ANGPT1: variants seen among roughly 807,000 people sequenced by gnomAD.
ANGPT1 encodes angiopoietin 1, also known as angiopoietin-1.
Under a neutral mutation model 62.2 loss-of-function variants are expected in ANGPT1, and 17 were observed. The observed-to-expected ratio is 0.27, with a 90% CI of 0.19 to 0.41. ANGPT1 has a LOEUF of 0.41. ANGPT1 is among the 10% of genes least tolerant of loss of function. The pLI, the probability that ANGPT1 is intolerant of heterozygous loss-of-function variation, is 1.00. For missense variants in ANGPT1, 478 were observed against 594.9 expected, an observed-to-expected ratio of 0.80 and a Z score of 2.04; for synonymous variants, 199 against 198.9, an observed-to-expected ratio of 1.00 and a Z score of 0.00.
intron 1 of ANGPT1, among the ~76,000 whole-genome samples, chr8:107,442,896 C>A (rs1811518705): frequency 6.6e-6 from 1 of 152,152 alleles, no homozygotes; most frequent in Non-Finnish European, 1.5e-5. Flanking sequence ...AAGAAACATC[C>A]CTTCAGCTGC....
intron 1 of ANGPT1, among the ~76,000 whole-genome samples, chr8:107,377,210 A>G (rs533765324): frequency 2.6e-5 from 4 of 152,350 alleles, no homozygotes; most frequent in Non-Finnish European, 4.4e-5. Flanking sequence ...AATTCTAAGT[A>G]TACATCAACA....
intron 1 of ANGPT1, among the ~76,000 whole-genome samples, chr8:107,357,006 T>A (rs1816060845): frequency 6.6e-6 from 1 of 152,224 alleles, no homozygotes; most frequent in Non-Finnish European, 1.5e-5. Flanking sequence ...TGCACAATTA[T>A]GCTCTTGTAC....
intron 1 of ANGPT1, among the ~76,000 whole-genome samples, chr8:107,361,778 G>A (rs1393408354): frequency 6.6e-6 from 1 of 152,062 alleles, no homozygotes; most frequent in African/African-American, 2.4e-5. Flanking sequence ...AGCAAAGACA[G>A]GCTGGCGCAG....
chr8:107,346,305 A>G (rs543330075), intron 2 of ANGPT1, among the ~76,000 whole-genome samples: 2 of 152,314 alleles, frequency 1.3e-5, no homozygotes, highest in African/African-American at 4.8e-5. Context: ...AAAGGGAACC[A>G]AGAGACAATT....
chr8:107,283,203 T>A (rs989637437), intron 7 of ANGPT1, among the ~76,000 whole-genome samples: 1 of 152,212 alleles, frequency 6.6e-6, no homozygotes, highest in African/African-American at 2.4e-5. Context: ...AGAGTATCCC[T>A]GATGTTTAAC....
intron 1 of ANGPT1, among the ~76,000 whole-genome samples, chr8:107,405,164 GT>G (rs564455845): frequency 8.6e-5 from 13 of 151,628 alleles, no homozygotes; most frequent in Non-Finnish European, 1.6e-4. Context: ...TGATATTACA[GT>G]TTTTTCTCAT....
chr8:107,482,862 T>C (rs1812724054), intron 1 of ANGPT1, among the ~76,000 whole-genome samples: 1 of 152,136 alleles, frequency 6.6e-6, no homozygotes, highest in African/African-American at 2.4e-5. Context: ...TGGGTTGGAA[T>C]GATGTGTCCT....
intron 1 of ANGPT1, among the ~76,000 whole-genome samples, chr8:107,456,930 G>T (rs1228763185): frequency 2.0e-5 from 3 of 152,074 alleles, no homozygotes. Context: ...CACTCTTCCT[G>T]CTATCTTTCC....
At chr8:107,375,957 C>T (rs1816523044) in intron 1 of ANGPT1, among the ~76,000 whole-genome samples, 1 of 152,154 alleles carries the variant, frequency 6.6e-6, no homozygotes, top group Non-Finnish European at 1.5e-5. Context: ...TTTTACTATT[C>T]TTGAGATTGA....
intron 6 of ANGPT1, among the ~76,000 whole-genome samples, chr8:107,286,751 G>T (rs1473318127): frequency 6.6e-6 from 1 of 152,120 alleles, no homozygotes; most frequent in Non-Finnish European, 1.5e-5. Context: ...GACCACTGAA[G>T]TTAGTACTCC....
intron 4 of ANGPT1, among the ~76,000 whole-genome samples, chr8:107,318,479 C>A (rs1291241191): frequency 6.6e-6 from 1 of 152,032 alleles, no homozygotes; most frequent in African/African-American, 2.4e-5. Flanking sequence ...CCAACACTTC[C>A]TAGGAATTCT....
chr8:107,311,646 T>C (rs144891763), intron 4 of ANGPT1, among the ~76,000 whole-genome samples: 7 of 152,372 alleles, frequency 4.6e-5, no homozygotes, highest in Middle Eastern at 3.4e-3. Context: ...ATATCAATTC[T>C]ACATATTTGT....
chr8:107,264,493 C>A (rs1218234502), intron 7 of ANGPT1, 142 bp from the exon 8 acceptor site: 1 of 1,003,098 alleles, frequency 1.0e-6, no homozygotes, highest in African/African-American at 1.6e-5. Context: ...TCTAGGAGAC[C>A]CAAGCTATCT....
intron 5 of ANGPT1, among the ~76,000 whole-genome samples, chr8:107,299,681 T>A (rs1356466492): frequency 7.3e-6 from 1 of 136,626 alleles, no homozygotes; most frequent in African/African-American, 2.6e-5. Context: ...TTATATAGTA[T>A]ATTTAGATAC....
intron 3 of ANGPT1, among the ~76,000 whole-genome samples, chr8:107,330,987 A>G (rs1454608410): frequency 6.6e-6 from 1 of 152,216 alleles, no homozygotes; most frequent in African/African-American, 2.4e-5. Context: ...AAAGACTAGA[A>G]TAATATAAAT....
chr8:107,346,793 G>T, intron 2 of ANGPT1, 149 bp downstream of exon 2: 2 of 694,392 alleles, frequency 2.9e-6, no homozygotes, highest in Non-Finnish European at 4.6e-6. Flanking sequence ...CGCATAGCAT[G>T]TCAGGCAGTC....
At chr8:107,404,868 A>G (rs1339872415) in intron 1 of ANGPT1, among the ~76,000 whole-genome samples, 1 of 152,074 alleles carries the variant, frequency 6.6e-6, no homozygotes, top group Non-Finnish European at 1.5e-5. Flanking sequence ...ACTTCAGCAA[A>G]CGTGGAGGGA....
intron 7 of ANGPT1, among the ~76,000 whole-genome samples, chr8:107,269,101 C>T (rs1386569021): frequency 6.6e-6 from 1 of 152,038 alleles, no homozygotes; most frequent in Non-Finnish European, 1.5e-5. Flanking sequence ...GACAACTGTA[C>T]TTCTGTGGAA....
intron 3 of ANGPT1, among the ~76,000 whole-genome samples, chr8:107,325,346 G>T (rs1450541775): frequency 6.6e-6 from 1 of 152,118 alleles, no homozygotes; most frequent in Non-Finnish European, 1.5e-5. Context: ...GAGGCAAGAT[G>T]CCCATAATTT....
Sources: gnomAD v4.1 joint callset for allele counts (sites outside exome capture counted in the v4.1 genomes callset) on GRCh38, gnomAD v4.1.1 for gene constraint, MANE v1.5 for transcripts, NCBI Gene and HGNC (gene_info 2026-07-23, HGNC 2026-07-21) for gene names.